Variants in MUSK observed in about 807,000 individuals in gnomAD.
MUSK encodes muscle, skeletal receptor tyrosine-protein kinase.
In MUSK, 55 loss-of-function variants were observed where a neutral mutation model predicts 88.7. That is an observed-to-expected ratio of 0.62 (90% confidence interval 0.50 to 0.78). The LOEUF (loss-of-function observed/expected upper bound fraction) is 0.78. Ranked by LOEUF, MUSK falls within the 30% of genes least tolerant of loss-of-function variation. The probability of loss-of-function intolerance (pLI) is 0.00; values close to 1 mark genes in which losing one functional copy is unlikely to be tolerated. For missense variants in MUSK, 1,015 were observed against 1,074.3 expected (o/e 0.94, Z 0.77); for synonymous variants, 387 against 391.9 (o/e 0.99, Z 0.15).
chr9:110,697,931 T>G (rs1340483698), intron 5 of MUSK, among the ~76,000 whole-genome samples: 1 of 151,518 alleles, frequency 6.6e-6, no homozygotes, highest in Non-Finnish European at 1.5e-5. Flanking sequence ...TTAACTCAAA[T>G]CGTAAAGCCA....
intron 1 of MUSK, among the ~76,000 whole-genome samples, chr9:110,671,374 T>A (rs1362537587): frequency 2.6e-5 from 4 of 151,626 alleles, no homozygotes; most frequent in African/African-American, 9.7e-5. Flanking sequence ...ACAAAAAGAG[T>A]TTTTTAGATA....
intron 8 of MUSK, among the ~76,000 whole-genome samples, chr9:110,764,520 A>T (rs2077445633): frequency 6.6e-6 from 1 of 152,154 alleles, no homozygotes; most frequent in South Asian, 2.1e-4. Context: ...AGGAAAAGGA[A>T]GTGGTTGAAA....
At chr9:110,764,617 AG>A in intron 8 of MUSK, among the ~76,000 whole-genome samples, 1 of 146,516 alleles carries the variant, frequency 6.8e-6, no homozygotes, top group South Asian at 2.2e-4. Flanking sequence ...ATAGATAGAT[AG>A]ATAGATAGAT....
rs753498319 is a variant in MUSK, at chr9:110,775,999, G to A, written c.1360+36G>A. On this transcript the variant is annotated intron_variant, in intron 10 of 14. Coordinates refer to ENST00000374448, the MANE Select transcript of MUSK (RefSeq NM_005592.4). ...GTTCTCCCAAGACTTTGGAGGTTAAGAGAAATTTACTATTTTGAAGAAACT... is the reference window on the plus strand; with the variant it reads ...GTTCTCCCAAGACTTTGGAGGTTAAAAGAAATTTACTATTTTGAAGAAACT... 7.5e-5 allele frequency: 116 copies of A among 1,550,588 alleles called. 1 individual carries two copies. Among genetic ancestry groups the A allele is most frequent in the Admixed American group, 4.5e-4 (22 of 48,446 alleles).
rs183477044 is a variant in MUSK, at chr9:110,804,028, C to A, written c.*3040C>A. Among the ~76,000 whole-genome samples, 1 of 152,214 alleles carries A rather than the reference C, an allele frequency of 6.6e-6. No individual in the cohort carries two copies. Among genetic ancestry groups the A allele is most frequent in the African/African-American group, 2.4e-5 (1 of 41,534 alleles). ...CACCCAAAAACATATTCTCTGCTAT[C>A]GTGGTAGAGCAGAAAAAGAACACTT... On this transcript the variant is annotated 3_prime_UTR_variant, in exon 15 of 15. Transcript: ENST00000374448.
chr9:110,785,515 T>C lies in MUSK; in HGVS notation c.1587-12T>C. 1 of 1,587,888 alleles carries C rather than the reference T, an allele frequency of 6.3e-7. No homozygotes were observed. The highest frequency in any genetic ancestry group is 8.6e-7 in the Non-Finnish European group (1 of 1,165,316). On this transcript the variant is annotated splice_polypyrimidine_tract_variant and intron_variant, in intron 12 of 14. Coordinates refer to ENST00000374448, the MANE Select transcript of MUSK (RefSeq NM_005592.4). ...CTGAGCTCATTCCTGATCTTGCCTG[T>C]CTTGCCTGCAGAGAATCAGCAGCAG...
chr9:110,778,774 A>T (rs190100457), intron 11 of MUSK, among the ~76,000 whole-genome samples: 99 of 152,166 alleles, frequency 6.5e-4, no homozygotes, highest in African/African-American at 2.1e-3. Flanking sequence ...AATGTTTCTT[A>T]AAAAATTCCA....
At chr9:110,744,234 TG>T (rs1433211676) in intron 6 of MUSK, among the ~76,000 whole-genome samples, 1 of 152,218 alleles carries the variant, frequency 6.6e-6, no homozygotes, top group East Asian at 1.9e-4. Context: ...TCCAAAGCGC[TG>T]GGATTACAGG....
In MUSK at chr9:110,800,293, C is replaced by T; in HGVS notation, c.1928-13C>T. On this transcript the variant is annotated splice_polypyrimidine_tract_variant and intron_variant, in intron 14 of 14. Coordinates refer to ENST00000374448, the MANE Select transcript of MUSK (RefSeq NM_005592.4). ...AGAAACTGAGACTAACAGGGATGGT[C>T]TTTTGGTTCCAGGAGTGTGTGCTGT... 1.9e-6 allele frequency: 3 copies of T among 1,579,624 alleles called. No homozygotes were observed. Among genetic ancestry groups the T allele is most frequent in the Non-Finnish European group, 2.6e-6 (3 of 1,159,452 alleles).
In MUSK at chr9:110,728,010, G is replaced by A. The variant is rs1282432947; in HGVS notation, c.629-6241G>A. On this transcript the variant is annotated intron_variant, in intron 5 of 14. Coordinates refer to ENST00000374448, the MANE Select transcript of MUSK (RefSeq NM_005592.4). ...ATTTGGTTTTGTTGTCTCTCTTCTA[G>A]GATTTTTAAACATTTATAAATTCTC... Among the ~76,000 whole-genome samples the A allele has an allele frequency of 5.9e-5, 9 of 152,126 alleles. No homozygotes were observed. In the East Asian group the frequency reaches 1.7e-3, roughly 30 times the overall value.
At position 110,803,928 on chromosome 9, in the gene MUSK, T is replaced by C. The variant is rs1422349659; in HGVS notation, c.*2940T>C. On this transcript the variant is annotated 3_prime_UTR_variant, in exon 15 of 15. Transcript: ENST00000374448. ...CTGTTACCAAGTGCCAGGACAGATA[T>C]CAGTAAGGCACCAGCAGTCATTTTT... Among the ~76,000 whole-genome samples, 6 of 152,114 alleles carry C rather than the reference T, an allele frequency of 3.9e-5. No homozygotes were observed. The highest frequency in any genetic ancestry group is 1.4e-4 in the African/African-American group (6 of 41,432).
chr9:110,756,367 G>C (rs1251104427), intron 7 of MUSK, among the ~76,000 whole-genome samples: 1 of 151,784 alleles, frequency 6.6e-6, no homozygotes, highest in East Asian at 1.9e-4. Flanking sequence ...GCTTATGACT[G>C]GGGTTCTTTG....
chr9:110,764,727 C>T (rs1341069270), intron 8 of MUSK, among the ~76,000 whole-genome samples: 5 of 152,090 alleles, frequency 3.3e-5, no homozygotes, highest in South Asian at 4.2e-4. Context: ...CTTAATTATT[C>T]CAGGAACATC....
chr9:110,737,109 T>C (rs2077039487), intron 6 of MUSK, among the ~76,000 whole-genome samples: 1 of 152,082 alleles, frequency 6.6e-6, no homozygotes. Flanking sequence ...TTTCTTAGTT[T>C]GTTACATCTG....
intron 5 of MUSK, among the ~76,000 whole-genome samples, chr9:110,714,916 A>T (rs2076725840): frequency 6.6e-6 from 1 of 150,890 alleles, no homozygotes; most frequent in African/African-American, 2.5e-5. Context: ...TAATCTGTAT[A>T]GATGAGCATC....
intron 5 of MUSK, among the ~76,000 whole-genome samples, chr9:110,714,314 T>C (rs2076717154): frequency 1.3e-5 from 2 of 152,122 alleles, no homozygotes; most frequent in Non-Finnish European, 2.9e-5. Flanking sequence ...CTATTCACCA[T>C]CCATATTTAC....
At chr9:110,767,041 C>G (rs1415574748) in intron 8 of MUSK, among the ~76,000 whole-genome samples, 1 of 152,222 alleles carries the variant, frequency 6.6e-6, no homozygotes, top group Non-Finnish European at 1.5e-5. Context: ...TATGTTTGTG[C>G]TAGCACTAGC....
intron 1 of MUSK, among the ~76,000 whole-genome samples, chr9:110,673,480 T>C (rs894816649): frequency 6.6e-6 from 1 of 152,214 alleles, no homozygotes; most frequent in African/African-American, 2.4e-5. Flanking sequence ...TAATCACTTT[T>C]AGATGCTAAT....
In MUSK at chr9:110,800,379, C is replaced by CA; in HGVS notation, c.2001_2002insA (p.Arg668ThrfsTer15). On this transcript the variant is annotated frameshift_variant, in exon 15 of 15. Coordinates refer to ENST00000374448, the MANE Select transcript of MUSK (RefSeq NM_005592.4). LOFTEE classifies it high-confidence loss of function. ...CCTATGGTGACCTCAATGAGTTCCT[C>CA]CGCAGCATGTCCCCTCACACCGTGT... 6.2e-7 allele frequency: 1 copy of CA among 1,613,880 alleles called. No individual in the cohort carries two copies. Among genetic ancestry groups the CA allele is most frequent in the Non-Finnish European group, 8.5e-7 (1 of 1,179,872 alleles).
Sources: allele counts gnomAD v4.1 joint callset (sites outside exome capture counted in the v4.1 genomes callset), GRCh38; gene constraint gnomAD v4.1.1; transcripts MANE v1.5; gene names NCBI Gene and HGNC (gene_info 2026-07-23, HGNC 2026-07-21).